The following AGTPBP1 variants were observed in gnomAD, a reference collection of about 807,000 sequenced individuals.
The protein encoded by AGTPBP1 is cytosolic carboxypeptidase 1.
AGTPBP1 carries 70 observed loss-of-function variants against 143.9 expected under a neutral mutation model. That is an observed-to-expected ratio of 0.49 (90% confidence interval 0.40 to 0.59). The LOEUF (loss-of-function observed/expected upper bound fraction) is 0.59, where lower values mean the gene tolerates loss of function less well. AGTPBP1 is among the 20% of genes least tolerant of loss of function. The pLI is 0.00. For synonymous variants in AGTPBP1, 463 were observed against 500.2 expected (o/e 0.93, Z 0.99); for missense variants, 1,229 against 1,464.5 (o/e 0.84, Z 2.62).
At chr9:85,592,345 C>A (rs1253666378) in intron 19 of AGTPBP1, among the ~76,000 whole-genome samples, 1 of 151,970 alleles carries the variant, frequency 6.6e-6, no homozygotes, top group Non-Finnish European at 1.5e-5. Flanking sequence ...ATCTTCAACA[C>A]TAAACCCTTT....
the AGTPBP1 span, chr9:85,786,034 G>A: frequency 8.4e-7 from 1 of 1,183,666 alleles, no homozygotes; most frequent in South Asian, 1.5e-5. Context: ...ATGTTAAGAT[G>A]TTTTGATTAA....
chr9:85,756,396 A>C, the AGTPBP1 span: 8 of 939,372 alleles, frequency 8.5e-6, no homozygotes, highest in South Asian at 2.9e-4. Flanking sequence ...GTGAAATTGG[A>C]AAATGGTGCA....
the AGTPBP1 span, among the ~76,000 whole-genome samples, chr9:85,801,844 T>A: frequency 6.6e-6 from 1 of 152,232 alleles, no homozygotes; most frequent in Non-Finnish European, 1.5e-5. Flanking sequence ...AAGATTTTAG[T>A]ACTAGGGCTG....
chr9:85,720,824 C>T (rs1838059397), intron 1 of AGTPBP1, among the ~76,000 whole-genome samples: 1 of 152,184 alleles, frequency 6.6e-6, no homozygotes, highest in South Asian at 2.1e-4. Flanking sequence ...TTTCTCTACA[C>T]ACTGCTTTAA....
chr9:85,650,768 C>T (rs149831995), intron 11 of AGTPBP1, among the ~76,000 whole-genome samples: 48 of 152,280 alleles, frequency 3.2e-4, no homozygotes, highest in African/African-American at 1.2e-3. Flanking sequence ...TTAAAATCAA[C>T]CACCAACACT....
At chr9:85,777,450 C>T in the AGTPBP1 span, among the ~76,000 whole-genome samples, 1 of 152,198 alleles carries the variant, frequency 6.6e-6, no homozygotes, top group Admixed American at 6.5e-5. Flanking sequence ...TGGCCGTAGC[C>T]AGGTCAGCCT....
At chr9:85,602,955 G>GAGTATTTAGACTGACCT (rs1829761737) in intron 17 of AGTPBP1, among the ~76,000 whole-genome samples, 1 of 152,212 alleles carries the variant, frequency 6.6e-6, no homozygotes. Context: ...TTCACGAAGG[G>GAGTATTTAGACTGACCT]AGTATTTAGA....
chr9:85,707,087 G>A (rs1281613889), intron 2 of AGTPBP1, among the ~76,000 whole-genome samples: 1 of 152,036 alleles, frequency 6.6e-6, no homozygotes, highest in Non-Finnish European at 1.5e-5. Context: ...ACTAAAATCA[G>A]TAAAAACCTT....
At chr9:85,801,548 G>A in the AGTPBP1 span, among the ~76,000 whole-genome samples, 1 of 151,938 alleles carries the variant, frequency 6.6e-6, no homozygotes, top group Non-Finnish European at 1.5e-5. Flanking sequence ...ATTGGAGGTA[G>A]GACAGAGTAG....
intron 19 of AGTPBP1, among the ~76,000 whole-genome samples, chr9:85,589,906 G>T (rs1297147461): frequency 1.3e-5 from 2 of 152,038 alleles, no homozygotes; most frequent in Non-Finnish European, 2.9e-5. Context: ...AATAGGGTCG[G>T]GGTAGCAATC....
At chr9:85,764,047 ACC>A in the AGTPBP1 span, among the ~76,000 whole-genome samples, 3 of 152,102 alleles carry the variant, frequency 2.0e-5, no homozygotes, top group South Asian at 6.2e-4. Context: ...CCACATCTCA[ACC>A]CCTAGTAAAT....
chr9:85,773,511 A>T, the AGTPBP1 span, among the ~76,000 whole-genome samples: 1 of 150,448 alleles, frequency 6.6e-6, no homozygotes, highest in African/African-American at 2.4e-5. Flanking sequence ...TTTTATATAT[A>T]TTTTTTAGTA....
At chr9:85,648,376 A>G (rs1338768375) in intron 11 of AGTPBP1, among the ~76,000 whole-genome samples, 1 of 152,254 alleles carries the variant, frequency 6.6e-6, no homozygotes, top group East Asian at 1.9e-4. Flanking sequence ...AAATTCTTAG[A>G]TAGCAAAAAA....
intron 6 of AGTPBP1, among the ~76,000 whole-genome samples, chr9:85,676,313 TA>T (rs1834827906): frequency 6.6e-6 from 1 of 151,690 alleles, no homozygotes; most frequent in African/African-American, 2.4e-5. Context: ...GACAAGAGAT[TA>T]AAAAACCAGA....
intron 13 of AGTPBP1, among the ~76,000 whole-genome samples, chr9:85,636,259 CT>C (rs35445993): frequency 0.017 from 2,060 of 118,512 alleles, 14 homozygotes; most frequent in South Asian, 0.062. Flanking sequence ...TGTAAGGTTT[CT>C]TTTTTTTTTT....
At chr9:85,736,587 CAA>C (rs1341614474) in intron 1 of AGTPBP1, among the ~76,000 whole-genome samples, 1 of 152,050 alleles carries the variant, frequency 6.6e-6, no homozygotes, top group Admixed American at 6.6e-5. Context: ...CAAAAGCAAA[CAA>C]GAGACTGTCA....
intron 9 of AGTPBP1, 24 bp downstream of exon 9, chr9:85,660,912 T>G: frequency 7.9e-6 from 12 of 1,512,738 alleles, no homozygotes; most frequent in Non-Finnish European, 1.1e-5. Flanking sequence ...TAGTATCTAG[T>G]ATTTCTAGTA....
intron 13 of AGTPBP1, among the ~76,000 whole-genome samples, chr9:85,636,739 G>A (rs940001048): frequency 1.3e-5 from 2 of 152,112 alleles, no homozygotes; most frequent in African/African-American, 4.8e-5. Flanking sequence ...AATTGCAAAA[G>A]AGGGAGGGCA....
chr9:85,711,545 T>G (rs1168017553), intron 2 of AGTPBP1, among the ~76,000 whole-genome samples: 1 of 151,660 alleles, frequency 6.6e-6, no homozygotes, highest in African/African-American at 2.4e-5. Context: ...GTTCAAGCGA[T>G]TCTCCAGCCT....
Sources: gnomAD v4.1 joint callset for allele counts (sites outside exome capture counted in the v4.1 genomes callset) on GRCh38, gnomAD v4.1.1 for gene constraint, MANE v1.5 for transcripts, NCBI Gene and HGNC (gene_info 2026-07-23, HGNC 2026-07-21) for gene names.